Variants in OXCT1 observed in about 807,000 individuals in gnomAD.
OXCT1 encodes 3-oxoacid CoA-transferase 1.
Under a neutral mutation model 69.6 loss-of-function variants are expected in OXCT1, and 27 were observed. The ratio of observed to expected loss-of-function variants is 0.39; its 90% CI spans 0.29 to 0.54. OXCT1 has a LOEUF of 0.54. OXCT1 is among the 20% of genes least tolerant of loss of function. OXCT1 has a pLI of 0.72. For synonymous variants in OXCT1, 202 were observed against 217.8 expected (o/e 0.93, Z 0.64); for missense variants, 437 against 650.2 (o/e 0.67, Z 3.57).
chr5:41,861,895 A>G (rs563261733), intron 2 of OXCT1, among the ~76,000 whole-genome samples: 1 of 152,278 alleles, frequency 6.6e-6, no homozygotes, highest in Admixed American at 6.5e-5. Flanking sequence ...GCTAAAAATA[A>G]TCCTTGACAT....
intron 14 of OXCT1, among the ~76,000 whole-genome samples, chr5:41,752,818 T>C (rs944129882): frequency 2.0e-5 from 3 of 152,068 alleles, no homozygotes; most frequent in African/African-American, 4.8e-5. Flanking sequence ...CCCTTACTTA[T>C]TAACTTCATC....
chr5:41,772,962 G>C (rs1324651246), intron 13 of OXCT1, among the ~76,000 whole-genome samples: 1 of 152,170 alleles, frequency 6.6e-6, no homozygotes, highest in Admixed American at 6.5e-5. Flanking sequence ...TTGTGAGAAT[G>C]ACCCATCTCT....
At chr5:41,744,270 G>A (rs1743352935) in intron 15 of OXCT1, among the ~76,000 whole-genome samples, 1 of 152,116 alleles carries the variant, frequency 6.6e-6, no homozygotes, top group Non-Finnish European at 1.5e-5. Context: ...CTCTCTGTTT[G>A]TTATTGGTGT....
At chr5:41,738,457 C>A (rs1742998646) in intron 16 of OXCT1, among the ~76,000 whole-genome samples, 1 of 152,160 alleles carries the variant, frequency 6.6e-6, no homozygotes, top group South Asian at 2.1e-4. Flanking sequence ...AGTTTCCCTG[C>A]ACACACTCTC....
intron 5 of OXCT1, among the ~76,000 whole-genome samples, chr5:41,848,807 G>A (rs1399328967): frequency 1.3e-5 from 2 of 152,020 alleles, no homozygotes; most frequent in East Asian, 1.9e-4. Flanking sequence ...AGACTTAAAC[G>A]TTAGACCTAA....
At position 41,870,310 on chromosome 5, in the gene OXCT1, C is replaced by T; in HGVS notation, c.49G>A (p.Ala17Thr). The T allele has an allele frequency of 6.2e-7, 1 of 1,614,016 alleles. No individual in the cohort carries two copies. The highest frequency in any genetic ancestry group is 8.5e-7 in the Non-Finnish European group (1 of 1,179,928). Residue 17 changes from alanine to threonine, a missense_variant, in exon 1 of 17, where the codon GCC becomes ACC. Physicochemically the swap from Ala to Thr is moderately conservative, Grantham distance 58. Around this residue, in one of 4 missense-constraint regions of OXCT1, gnomAD observed 79 missense variants for 61.5 expected, o/e 1.28. Coordinates refer to ENST00000196371, the MANE Select transcript of OXCT1 (RefSeq NM_000436.4). The surrounding 1 kb of genome is among the most constrained non-coding windows in gnomAD (Gnocchi z 4.2). ...LSSGLRLCASARGSGATWYKG... is the reference protein window; with the variant it reads ...LSSGLRLCASTRGSGATWYKG... ...TACCAGGTTGCCCCAGATCCGCGGGCAGAGGCGCAGAGCCGAAGCCCGGAG... is the reference window on the plus strand; with the variant it reads ...TACCAGGTTGCCCCAGATCCGCGGGTAGAGGCGCAGAGCCGAAGCCCGGAG...
intron 13 of OXCT1, among the ~76,000 whole-genome samples, chr5:41,777,267 T>A (rs1745171881): frequency 6.6e-6 from 1 of 152,090 alleles, no homozygotes; most frequent in Admixed American, 6.5e-5. Context: ...AATACAATTA[T>A]TAGCCGGGCA....
At chr5:41,855,474 G>A (rs1250800002) in intron 3 of OXCT1, among the ~76,000 whole-genome samples, 1 of 152,180 alleles carries the variant, frequency 6.6e-6, no homozygotes, top group Non-Finnish European at 1.5e-5. Flanking sequence ...AAGGACCAGA[G>A]TGCTTCCTAG....
At chr5:41,768,266 T>C (rs906932534) in intron 13 of OXCT1, among the ~76,000 whole-genome samples, 1 of 152,106 alleles carries the variant, frequency 6.6e-6, no homozygotes, top group African/African-American at 2.4e-5. Flanking sequence ...GTCTGGACCA[T>C]AAAACCTTGC....
At chr5:41,797,399 T>G (rs762006428) in intron 11 of OXCT1, among the ~76,000 whole-genome samples, 2 of 152,220 alleles carry the variant, frequency 1.3e-5, no homozygotes, top group Non-Finnish European at 2.9e-5. Flanking sequence ...TTTTCAGCAT[T>G]TTTAAACATC....
rs1749119564 is a variant in OXCT1 at position 41,850,311 on chromosome 5, T to C, written c.415-132A>G. 8.4e-6 allele frequency: 8 copies of C among 955,474 alleles called. No individual in the cohort carries two copies. The South Asian group carries it at 1.1e-4, about 13-fold the overall frequency. 59.2% of individuals were successfully genotyped at this position (955,474 alleles called of 1,614,324 possible). On this transcript the variant is annotated intron_variant, in intron 4 of 16. Transcript: ENST00000196371. ...AAGTAGCTAGCATTGTACATTAGCA[T>C]ACTTCACTAATATTGTATGCTAGAA... is the stretch of plus-strand genomic sequence containing the variant.
intron 4 of OXCT1, among the ~76,000 whole-genome samples, chr5:41,851,303 C>T (rs1189238603): frequency 1.3e-5 from 2 of 152,138 alleles, no homozygotes; most frequent in African/African-American, 2.4e-5. Context: ...TCTGGGGAAA[C>T]AGAGACTTGG....
At chr5:41,850,781 G>C (rs537412169) in intron 4 of OXCT1, among the ~76,000 whole-genome samples, 1 of 152,252 alleles carries the variant, frequency 6.6e-6, no homozygotes, top group East Asian at 1.9e-4. Flanking sequence ...AAGTTACTTT[G>C]TATCTTCTTT....
intron 13 of OXCT1, among the ~76,000 whole-genome samples, chr5:41,782,396 T>C (rs1281564174): frequency 2.0e-5 from 3 of 152,034 alleles, no homozygotes; most frequent in African/African-American, 7.2e-5. Context: ...TGTATTTTTG[T>C]AAAGATCGGG....
intron 5 of OXCT1, among the ~76,000 whole-genome samples, chr5:41,847,989 T>G (rs1403788447): frequency 6.7e-6 from 1 of 150,156 alleles, no homozygotes; most frequent in Non-Finnish European, 1.5e-5. Flanking sequence ...GAAGTCAAAT[T>G]GTCCCTGTTT....
At chr5:41,770,972 G>A (rs1440005834) in intron 13 of OXCT1, among the ~76,000 whole-genome samples, 1 of 152,084 alleles carries the variant, frequency 6.6e-6, no homozygotes, top group Non-Finnish European at 1.5e-5. Flanking sequence ...ATTGTCTATT[G>A]CAAATGAACC....
chr5:41,865,944 G>C (rs2112484000), intron 1 of OXCT1, among the ~76,000 whole-genome samples: 1 of 149,420 alleles, frequency 6.7e-6, no homozygotes, highest in East Asian at 2.0e-4. Context: ...AATTTTAATT[G>C]TATATAAATG....
intron 16 of OXCT1, among the ~76,000 whole-genome samples, chr5:41,738,687 G>A (rs1743010591): frequency 1.3e-5 from 2 of 152,208 alleles, no homozygotes; most frequent in African/African-American, 4.8e-5. Flanking sequence ...ACTTCAAATA[G>A]ACTGAGCCAT....
chr5:41,749,377 GA>G, intron 15 of OXCT1, 149 bp downstream of exon 15: 1 of 599,682 alleles, frequency 1.7e-6, no homozygotes, highest in Non-Finnish European at 3.0e-6. Flanking sequence ...TCTACATTTA[GA>G]AACATTAAAT....
Sources: allele counts gnomAD v4.1 joint callset (sites outside exome capture counted in the v4.1 genomes callset), GRCh38; gene constraint gnomAD v4.1.1; regional missense constraint gnomAD v4.1.1; non-coding constraint Gnocchi (gnomAD v3.1); transcripts MANE v1.5; gene names NCBI Gene and HGNC (gene_info 2026-07-23, HGNC 2026-07-21).